Variants in SPAG16 observed in about 807,000 individuals in gnomAD.
SPAG16 encodes the protein sperm associated antigen 16.
Under a neutral mutation model 80.4 loss-of-function variants are expected in SPAG16, and 86 were observed. The ratio of observed to expected loss-of-function variants is 1.07; its 90% CI spans 0.90 to 1.28. SPAG16 has a LOEUF of 1.28. Ranked by LOEUF, SPAG16 falls within the 50% of genes most tolerant of loss-of-function variation. SPAG16 has a pLI of 0.00. For synonymous variants in SPAG16, 294 were observed against 265.9 expected, an observed-to-expected ratio of 1.11 and a Z score of -1.03; for missense variants, 870 against 765.3, an observed-to-expected ratio of 1.14 and a Z score of -1.61.
rs540259895 is a variant in SPAG16, at chr2:213,632,207, A to AAT, written c.1070+142117_1070+142118insAT. Among the ~76,000 whole-genome samples, 223 of 152,010 alleles carry AAT rather than the reference A, an allele frequency of 1.5e-3. 1 individual carries two copies. The highest frequency in any genetic ancestry group is 4.3e-3 in the African/African-American group (179 of 41,510). ...ATAGGGATCTTTTACTTCTTTGGTT[A>AAT]TCCTAGGTATTTAATTTTATGTGTG... is the stretch of plus-strand genomic sequence containing the variant. On this transcript the variant is annotated intron_variant, in intron 10 of 15. Transcript: ENST00000331683.
At chr2:213,786,849 G>A (rs1166011167) in intron 10 of SPAG16, among the ~76,000 whole-genome samples, 1 of 151,942 alleles carries the variant, frequency 6.6e-6, no homozygotes, top group Non-Finnish European at 1.5e-5. Context: ...TAAAAACTGG[G>A]AATAATACAA....
intron 12 of SPAG16, among the ~76,000 whole-genome samples, chr2:213,973,986 T>C (rs979834574): frequency 6.6e-6 from 1 of 152,086 alleles, no homozygotes; most frequent in Non-Finnish European, 1.5e-5. Flanking sequence ...TTATGACCTG[T>C]AGTAAATCAG....
At chr2:213,464,902 G>A (rs2072594831) in intron 9 of SPAG16, among the ~76,000 whole-genome samples, 1 of 152,196 alleles carries the variant, frequency 6.6e-6, no homozygotes, top group African/African-American at 2.4e-5. Context: ...ATCCTTGAGA[G>A]GAGGCCCATT....
At chr2:213,567,228 A>ATTG (rs1553568071) in intron 10 of SPAG16, among the ~76,000 whole-genome samples, 9 of 122,834 alleles carry the variant, frequency 7.3e-5, no homozygotes, top group African/African-American at 2.8e-4. Flanking sequence ...CTTGTTTGAC[A>ATTG]TTGTTTTTTT....
intron 15 of SPAG16, among the ~76,000 whole-genome samples, chr2:214,300,984 A>G (rs1274565128): frequency 4.7e-5 from 7 of 150,358 alleles, no homozygotes; most frequent in Non-Finnish European, 8.9e-5. Flanking sequence ...TGTGTCACTG[A>G]TGAACACAGA....
intron 12 of SPAG16, among the ~76,000 whole-genome samples, chr2:213,959,669 A>T (rs1222986127): frequency 1.3e-5 from 2 of 151,894 alleles, no homozygotes; most frequent in African/African-American, 4.8e-5. Flanking sequence ...CCTGCTCCTC[A>T]CCCTCTGGTT....
intron 11 of SPAG16, among the ~76,000 whole-genome samples, chr2:213,872,765 A>T (rs1401751974): frequency 6.6e-6 from 1 of 152,060 alleles, no homozygotes; most frequent in Non-Finnish European, 1.5e-5. Context: ...GTTTATTTCT[A>T]TTTCTAGTCG....
chr2:213,531,355 T>TA (rs1274541858), intron 10 of SPAG16, among the ~76,000 whole-genome samples: 1 of 103,066 alleles, frequency 9.7e-6, no homozygotes, highest in Non-Finnish European at 2.1e-5. Flanking sequence ...TTAAAAAAGA[T>TA]GTGAGTGTGT....
chr2:213,859,218 T>TAAAAA (rs1575378884), intron 10 of SPAG16, among the ~76,000 whole-genome samples: 4 of 16,932 alleles, frequency 2.4e-4, no homozygotes, highest in African/African-American at 5.0e-4. Context: ...AAAAAAAAAC[T>TAAAAA]CAATGTCCTC....
At chr2:214,229,125 A>G (rs1688507125) in intron 15 of SPAG16, among the ~76,000 whole-genome samples, 1 of 151,640 alleles carries the variant, frequency 6.6e-6, no homozygotes, top group Non-Finnish European at 1.5e-5. Context: ...TCTTTCTCTT[A>G]TGGATCTTGC....
chr2:213,619,750 T>C (rs920389106), intron 10 of SPAG16, among the ~76,000 whole-genome samples: 12 of 152,186 alleles, frequency 7.9e-5, no homozygotes, highest in African/African-American at 2.9e-4. Flanking sequence ...GAAGTCAGTA[T>C]GGAACTTCCT....
At chr2:213,909,525 A>G (rs2077572169) in intron 11 of SPAG16, among the ~76,000 whole-genome samples, 1 of 151,996 alleles carries the variant, frequency 6.6e-6, no homozygotes, top group African/African-American at 2.4e-5. Flanking sequence ...GTATCAAAAC[A>G]GAGACATAGA....
intron 10 of SPAG16, among the ~76,000 whole-genome samples, chr2:213,548,748 T>G (rs1370193852): frequency 6.6e-6 from 1 of 152,128 alleles, no homozygotes; most frequent in Non-Finnish European, 1.5e-5. Context: ...TAATTTATTT[T>G]TGTATGGTAT....
At chr2:213,902,644 C>T (rs947631234) in intron 11 of SPAG16, among the ~76,000 whole-genome samples, 2 of 152,152 alleles carry the variant, frequency 1.3e-5, no homozygotes, top group Non-Finnish European at 2.9e-5. Flanking sequence ...ACAGCCAAAC[C>T]ATATCACTCT....
intron 9 of SPAG16, among the ~76,000 whole-genome samples, chr2:213,447,649 A>G (rs2071413476): frequency 6.6e-6 from 1 of 152,236 alleles, no homozygotes; most frequent in Admixed American, 6.5e-5. Context: ...GTATCAATGT[A>G]GATTCAAACA....
intron 12 of SPAG16, among the ~76,000 whole-genome samples, chr2:213,938,087 A>T (rs542685522): frequency 1.3e-5 from 2 of 151,960 alleles, no homozygotes; most frequent in Admixed American, 6.6e-5. Context: ...GAAACTAAAG[A>T]TATTCTGATA....
chr2:214,225,305 T>C (rs918799511), intron 15 of SPAG16, among the ~76,000 whole-genome samples: 13 of 152,118 alleles, frequency 8.5e-5, no homozygotes, highest in African/African-American at 2.2e-4. Context: ...TAGGAATTCA[T>C]TGGACAGTCT....
intron 15 of SPAG16, among the ~76,000 whole-genome samples, chr2:214,306,634 T>C (rs930950529): frequency 2.0e-5 from 3 of 152,218 alleles, no homozygotes; most frequent in African/African-American, 7.2e-5. Flanking sequence ...GTTGAGATAA[T>C]CAAGTTTTTG....
intron 15 of SPAG16, among the ~76,000 whole-genome samples, chr2:214,366,877 G>A (rs985066939): frequency 6.6e-6 from 1 of 152,114 alleles, no homozygotes; most frequent in African/African-American, 2.4e-5. Flanking sequence ...TAGCATGAAT[G>A]CTGCCCCCAA....
Sources: gnomAD v4.1 joint callset for allele counts (sites outside exome capture counted in the v4.1 genomes callset) on GRCh38, gnomAD v4.1.1 for gene constraint, MANE v1.5 for transcripts, NCBI Gene and HGNC (gene_info 2026-07-23, HGNC 2026-07-21) for gene names.